The following AUTS2 variants were observed in gnomAD, a reference collection of about 807,000 sequenced individuals.
AUTS2 encodes autism susceptibility gene 2 protein.
A neutral mutation model predicts 112.4 loss-of-function variants in AUTS2; 17 were observed. The observed-to-expected ratio is 0.15, with a 90% CI of 0.10 to 0.23. AUTS2 has a LOEUF of 0.23. AUTS2 is among the 10% of genes least tolerant of loss of function. The pLI is 1.00. For missense variants in AUTS2, 1,510 were observed against 1,701.6 expected, an observed-to-expected ratio of 0.89 and a Z score of 1.98; for synonymous variants, 751 against 702.7, an observed-to-expected ratio of 1.07 and a Z score of -1.09.
chr7:70,786,234 G>A (rs1434372375), intron 17 of AUTS2, among the ~76,000 whole-genome samples, 196 bp downstream of exon 17: 1 of 152,168 alleles, frequency 6.6e-6, no homozygotes, highest in Non-Finnish European at 1.5e-5. Context: ...GCAGCCCCCT[G>A]TGGCTATCCA....
chr7:70,033,194 T>C lies in AUTS2; in HGVS notation c.523-84938T>C, dbSNP rs73432181. 2.8e-3 allele frequency among the ~76,000 whole-genome samples: 424 copies of C among 152,320 alleles called. 2 individuals are homozygous for C. Among genetic ancestry groups the C allele is most frequent in the African/African-American group, 9.9e-3 (410 of 41,574 alleles). On this transcript the variant is annotated intron_variant, in intron 2 of 18. Coordinates refer to ENST00000342771, the MANE Select transcript of AUTS2 (RefSeq NM_015570.4). The stretch of plus-strand genomic sequence containing the variant: ...AATGGTTGAGTTGTATGTATGCAAA[T>C]TACATCTTAATAAAGCTATTATTTT...
intron 4 of AUTS2, among the ~76,000 whole-genome samples, chr7:70,175,457 A>G (rs1382939967): frequency 6.6e-6 from 1 of 152,108 alleles, no homozygotes; most frequent in African/African-American, 2.4e-5. Context: ...TTGAGGATTG[A>G]CTTCACTTTT....
intron 1 of AUTS2, among the ~76,000 whole-genome samples, chr7:69,626,094 AGTT>A (rs1053891616): frequency 6.6e-6 from 1 of 152,186 alleles, no homozygotes; most frequent in Non-Finnish European, 1.5e-5. Flanking sequence ...GTTCCTGAGT[AGTT>A]GTGACATTAA....
intron 1 of AUTS2, among the ~76,000 whole-genome samples, chr7:69,636,365 G>T (rs1794520357): frequency 6.6e-6 from 1 of 151,932 alleles, no homozygotes; most frequent in Non-Finnish European, 1.5e-5. Context: ...TGAGTACGTA[G>T]CTAGGATTAC....
At chr7:70,111,065 G>C (rs142526685) in intron 2 of AUTS2, among the ~76,000 whole-genome samples, 1 of 151,002 alleles carries the variant, frequency 6.6e-6, no homozygotes, top group Non-Finnish European at 1.5e-5. Flanking sequence ...ATTTTTAGTA[G>C]AGACGGGGTT....
At chr7:70,655,377 A>G (rs1806715852) in intron 5 of AUTS2, among the ~76,000 whole-genome samples, 1 of 152,218 alleles carries the variant, frequency 6.6e-6, no homozygotes, top group Non-Finnish European at 1.5e-5. Context: ...AAGCGTGGAG[A>G]AAGCATGTTG....
chr7:70,610,423 CTTTTTTTTTTTTTTTT>C (rs3054735), intron 5 of AUTS2, among the ~76,000 whole-genome samples: 4 of 77,442 alleles, frequency 5.2e-5, no homozygotes, highest in Admixed American at 1.5e-4. Context: ...TAGCGCTCAT[CTTTTTTTTTTTTTTTT>C]TTTTTTTTTT....
At chr7:70,186,179 A>T (rs1809593857) in intron 4 of AUTS2, among the ~76,000 whole-genome samples, 1 of 152,122 alleles carries the variant, frequency 6.6e-6, no homozygotes, top group African/African-American at 2.4e-5. Context: ...GAACTTCGGG[A>T]TGATATGTAA....
intron 4 of AUTS2, among the ~76,000 whole-genome samples, chr7:70,377,254 G>A (rs1293948520): frequency 7.0e-6 from 1 of 143,066 alleles, no homozygotes; most frequent in African/African-American, 2.6e-5. Flanking sequence ...ACATTGCAGA[G>A]ATCCTCATAC....
intron 4 of AUTS2, among the ~76,000 whole-genome samples, chr7:70,324,323 T>C (rs1227025973): frequency 6.6e-6 from 1 of 152,128 alleles, no homozygotes; most frequent in East Asian, 1.9e-4. Context: ...AATTAGTATA[T>C]GAGAACAACT....
chr7:69,860,752 A>G (rs1469468793), intron 1 of AUTS2, among the ~76,000 whole-genome samples: 1 of 152,096 alleles, frequency 6.6e-6, no homozygotes, highest in African/African-American at 2.4e-5. Context: ...TTGACTCACC[A>G]AGTAGGATGC....
intron 1 of AUTS2, among the ~76,000 whole-genome samples, chr7:69,622,675 G>C (rs1257274189): frequency 6.6e-6 from 1 of 152,202 alleles, no homozygotes; most frequent in East Asian, 1.9e-4. Context: ...TCTATTTCTA[G>C]ATATACAGGA....
At chr7:70,043,058 T>C (rs2129558054) in intron 2 of AUTS2, among the ~76,000 whole-genome samples, 1 of 151,078 alleles carries the variant, frequency 6.6e-6, no homozygotes, top group African/African-American at 2.4e-5. Flanking sequence ...AAATGTTTCA[T>C]GACAGTCTGT....
Position 70,088,586 on chromosome 7 carries a change from C to CTTGTTTGT in AUTS2, c.523-29527_523-29520dup, listed in dbSNP as rs560294028. Among the ~76,000 whole-genome samples the CTTGTTTGT allele has an allele frequency of 2.0e-5, 3 of 148,410 alleles. No homozygotes were observed. The Admixed American group carries it at 2.0e-4, about 10-fold the overall frequency. Reference sequence around the variant, plus strand: ...CTGAAGGCATTGATCTGAGACCCACCTTGTTTGTTTGTTTGTTTGTTTGTT... The same window carrying CTTGTTTGT: ...CTGAAGGCATTGATCTGAGACCCACCTTGTTTGTTTGTTTGTTTGTTTGTTTGTTTGTT... On this transcript the variant is annotated intron_variant, in intron 2 of 18. Transcript: ENST00000342771.
chr7:70,468,146 A>T (rs1339074283), intron 5 of AUTS2, among the ~76,000 whole-genome samples: 1 of 152,194 alleles, frequency 6.6e-6, no homozygotes. Flanking sequence ...TGCAACAACA[A>T]GTGAGGGCGA....
At chr7:70,641,792 C>CATAAGT (rs1805845875) in intron 5 of AUTS2, among the ~76,000 whole-genome samples, 1 of 152,212 alleles carries the variant, frequency 6.6e-6, no homozygotes, top group Non-Finnish European at 1.5e-5. Context: ...GTTTTGTTTA[C>CATAAGT]ATAAGTGATG....
intron 4 of AUTS2, among the ~76,000 whole-genome samples, chr7:70,433,953 T>G (rs527278207): frequency 6.6e-6 from 1 of 152,350 alleles, no homozygotes; most frequent in Admixed American, 6.5e-5. Flanking sequence ...ATAAAAGTCC[T>G]GAGGCAGGCT....
intron 2 of AUTS2, among the ~76,000 whole-genome samples, chr7:69,998,406 C>T (rs748732068): frequency 2.6e-5 from 4 of 152,106 alleles, no homozygotes; most frequent in Non-Finnish European, 5.9e-5. Context: ...TGTGTGGAGC[C>T]TTCCAAGTGG....
intron 2 of AUTS2, among the ~76,000 whole-genome samples, chr7:69,926,902 CAT>C (rs1796038971): frequency 7.0e-6 from 1 of 143,202 alleles, no homozygotes; most frequent in Non-Finnish European, 1.5e-5. Context: ...AGATATATAG[CAT>C]ATATAATATA....
Sources: allele counts gnomAD v4.1 joint callset (sites outside exome capture counted in the v4.1 genomes callset), GRCh38; gene constraint gnomAD v4.1.1; transcripts MANE v1.5; gene names NCBI Gene and HGNC (gene_info 2026-07-23, HGNC 2026-07-21).